Variants in NID1 observed in about 807,000 individuals in gnomAD.
NID1 encodes the protein nidogen 1.
In NID1, 76 loss-of-function variants were observed where a neutral mutation model predicts 130.6. The observed-to-expected ratio is 0.58, with a 90% CI of 0.48 to 0.70. The LOEUF is 0.70. Among genes scored for constraint, NID1 ranks in the 30% least tolerant of loss-of-function variants. The pLI is 0.00. For missense variants in NID1, 1,517 were observed against 1,664.8 expected (o/e 0.91, Z 1.54); for synonymous variants, 665 against 675.1 (o/e 0.98, Z 0.23).
Position 235,993,879 on chromosome 1 carries a change from G to C in NID1, c.2528-7C>G, listed in dbSNP as rs752273129. 2.5e-6 allele frequency: 4 copies of C among 1,603,230 alleles called. No homozygotes were observed. The East Asian group carries it at 9.0e-5, about 36-fold the overall frequency. ...CACCGGGTTTTCTCCACCTCTATCA[G>C]AGAAACAGGCAACAAGAAAGCTGTC... On this transcript the variant is annotated splice_region_variant and splice_polypyrimidine_tract_variant and intron_variant, in intron 12 of 19. Transcript: ENST00000264187.
In NID1 at chr1:236,020,053, A is replaced by AC. The variant is rs1335629141; in HGVS notation, c.2129-2781_2129-2780insG. On this transcript the variant is annotated intron_variant, in intron 9 of 19. Coordinates refer to ENST00000264187, the MANE Select transcript of NID1 (RefSeq NM_002508.3). ...CTCTGCCTTAAAAAAAAAAAAAAAAAAAAAACAAAAACAAACTTCTTTTCT... is the reference window on the plus strand; with the variant it reads ...CTCTGCCTTAAAAAAAAAAAAAAAAACAAAAACAAAAACAAACTTCTTTTCT... Among the ~76,000 whole-genome samples, 629 of 137,802 alleles carry AC rather than the reference A, an allele frequency of 4.6e-3. 3 individuals are homozygous for AC. Among genetic ancestry groups the AC allele is most frequent in the Non-Finnish European group, 7.5e-3 (486 of 64,566 alleles). 90.4% of individuals were successfully genotyped at this position (137,802 alleles called of 152,430 possible). A position where few individuals can be genotyped will look rare whatever the true frequency, so the allele number is the denominator to read the frequency against.
intron 1 of NID1, among the ~76,000 whole-genome samples, chr1:236,061,705 T>C (rs1481316966): frequency 6.6e-6 from 1 of 151,990 alleles, no homozygotes; most frequent in African/African-American, 2.4e-5. Flanking sequence ...GTATTCTTGT[T>C]GAAAGATGAG....
chr1:236,035,733 G>A (rs369735267), intron 5 of NID1, among the ~76,000 whole-genome samples: 22 of 152,252 alleles, frequency 1.4e-4, no homozygotes, highest in African/African-American at 4.8e-4. Context: ...GGTTCCATAC[G>A]CCCAAACGGC....
At chr1:236,038,329 C>G in intron 4 of NID1, 76 bp from the exon 5 acceptor site, 1 of 1,508,536 alleles carries the variant, frequency 6.6e-7, no homozygotes, top group South Asian at 1.3e-5. Context: ...CATCTAGGCA[C>G]CCTCAAGCAC....
At chr1:236,041,357 C>A (rs1185497282) in intron 4 of NID1, among the ~76,000 whole-genome samples, 3 of 152,098 alleles carry the variant, frequency 2.0e-5, no homozygotes, top group Non-Finnish European at 4.4e-5. Flanking sequence ...TGAGCCACCA[C>A]CCCCGACCCT....
chr1:236,038,380 G>C (rs1659326269), intron 4 of NID1, 127 bp from the exon 5 acceptor site: 1 of 939,834 alleles, frequency 1.1e-6, no homozygotes. Flanking sequence ...AAGGGACCAG[G>C]CTCACTACAG....
intron 2 of NID1, among the ~76,000 whole-genome samples, chr1:236,047,539 G>A (rs764350192): frequency 3.3e-4 from 50 of 151,734 alleles, no homozygotes; most frequent in Non-Finnish European, 4.0e-4. Context: ...CCTTCCAGCC[G>A]TCCCTGATGA....
At chr1:235,980,066 G>T in intron 17 of NID1, 121 bp from the exon 18 acceptor site, 1 of 1,125,734 alleles carries the variant, frequency 8.9e-7, no homozygotes, top group Non-Finnish European at 1.3e-6. Flanking sequence ...ACAAGTCCCA[G>T]AGAACACATG....
At chr1:236,004,616 G>A (rs1030991981) in intron 12 of NID1, among the ~76,000 whole-genome samples, 2 of 151,544 alleles carry the variant, frequency 1.3e-5, no homozygotes, top group Non-Finnish European at 2.9e-5. Flanking sequence ...CAAAAAATTA[G>A]CCAGGCGTGG....
intron 1 of NID1, among the ~76,000 whole-genome samples, chr1:236,051,700 G>A (rs560395343): frequency 1.8e-4 from 28 of 152,344 alleles, no homozygotes; most frequent in Non-Finnish European, 2.6e-4. Context: ...GGGAGCTGCC[G>A]TGTGGGAGCG....
intron 12 of NID1, among the ~76,000 whole-genome samples, chr1:236,011,172 A>G (rs1044646701): frequency 6.6e-6 from 1 of 152,230 alleles, no homozygotes; most frequent in African/African-American, 2.4e-5. Flanking sequence ...TGGGATGAAA[A>G]TGTTTACTTA....
chr1:236,061,398 A>G (rs1436308966), intron 1 of NID1, among the ~76,000 whole-genome samples: 1 of 152,150 alleles, frequency 6.6e-6, no homozygotes, highest in African/African-American at 2.4e-5. Context: ...ATAACCAGAC[A>G]TCACTTGCCG....
At chr1:236,056,358 C>T (rs1659898905) in intron 1 of NID1, among the ~76,000 whole-genome samples, 1 of 152,106 alleles carries the variant, frequency 6.6e-6, no homozygotes, top group Non-Finnish European at 1.5e-5. Flanking sequence ...ATTGATGCAT[C>T]ATATTTGTAC....
intron 5 of NID1, among the ~76,000 whole-genome samples, chr1:236,034,596 T>C (rs1659198591): frequency 6.6e-6 from 1 of 152,134 alleles, no homozygotes; most frequent in South Asian, 2.1e-4. Flanking sequence ...GGAACACCTA[T>C]AAAGACAGAA....
chr1:236,001,746 A>C (rs537895013), intron 12 of NID1, among the ~76,000 whole-genome samples: 3 of 152,188 alleles, frequency 2.0e-5, no homozygotes, highest in Non-Finnish European at 4.4e-5. Flanking sequence ...AGGCAAACAA[A>C]GAAGGGAAAA....
intron 10 of NID1, among the ~76,000 whole-genome samples, chr1:236,015,073 G>GC (rs971142512): frequency 6.6e-6 from 1 of 152,172 alleles, no homozygotes; most frequent in African/African-American, 2.4e-5. Context: ...CCCTGCCTGA[G>GC]CCCCCAGCCC....
rs16833085 is a variant in NID1, at chr1:235,999,025, A to G, written c.2528-5153T>C. Among the ~76,000 whole-genome samples, 531 of 152,290 alleles carry G rather than the reference A, an allele frequency of 3.5e-3. 3 individuals carry two copies. The highest frequency in any genetic ancestry group is 0.012 in the African/African-American group (505 of 41,542). ...TTCTGGTCTGGCATCTGGCGTCCAC[A>G]TTGCCAGTGCTTAGACGGCTCCCTC... On this transcript the variant is annotated intron_variant, in intron 12 of 19. Transcript: ENST00000264187.
At chr1:236,017,425 C>T (rs1378063138) in intron 9 of NID1, 152 bp from the exon 10 acceptor site, 1 of 838,218 alleles carries the variant, frequency 1.2e-6, no homozygotes, top group East Asian at 3.0e-5. Flanking sequence ...TGCTCTGTCG[C>T]CCAGAGCTGG....
chr1:235,999,884 C>T (rs1057172031), intron 12 of NID1, among the ~76,000 whole-genome samples: 4 of 152,120 alleles, frequency 2.6e-5, no homozygotes, highest in African/African-American at 4.8e-5. Flanking sequence ...GGGTTGGCCA[C>T]GTCTCATTAC....
Sources: gnomAD v4.1 joint callset for allele counts (sites outside exome capture counted in the v4.1 genomes callset) on GRCh38, gnomAD v4.1.1 for gene constraint, MANE v1.5 for transcripts, NCBI Gene and HGNC (gene_info 2026-07-23, HGNC 2026-07-21) for gene names.